The following PREX2 variants were observed in gnomAD, a reference collection of about 807,000 sequenced individuals.
PREX2 encodes the protein phosphatidylinositol-3,4,5-trisphosphate dependent Rac exchange factor 2.
In PREX2, 107 loss-of-function variants were observed where a neutral mutation model predicts 203.2. The ratio of observed to expected loss-of-function variants is 0.53; its 90% CI spans 0.45 to 0.62. The LOEUF is 0.62. Ranked by LOEUF, PREX2 falls within the 20% of genes least tolerant of loss-of-function variation. The pLI is 0.00. For synonymous variants in PREX2, 672 were observed against 663.6 expected (o/e 1.01, Z -0.19); for missense variants, 1,777 against 1,955.9 (o/e 0.91, Z 1.72).
In PREX2 at chr8:68,021,503, G is replaced by A. The variant is rs113385048; in HGVS notation, c.337-533G>A. Among the ~76,000 whole-genome samples the A allele has an allele frequency of 8.9e-3, 1,351 of 152,222 alleles. 11 individuals are homozygous for A. The highest frequency in any genetic ancestry group is 0.027 in the African/African-American group (1,120 of 41,544). ...GTCAGTGTCTCTCTTAAGCACAACT[G>A]TCTAGACTGGTGTATATGAACTGCA... On this transcript the variant is annotated intron_variant, in intron 3 of 39. Transcript: ENST00000288368.
At chr8:68,210,553 C>T (rs1812722873) in intron 37 of PREX2, among the ~76,000 whole-genome samples, 1 of 152,144 alleles carries the variant, frequency 6.6e-6, no homozygotes, top group Admixed American at 6.5e-5. Flanking sequence ...TTCTGGTTTC[C>T]CATGTCATTT....
chr8:68,089,863 G>T (rs1800035909), intron 19 of PREX2, among the ~76,000 whole-genome samples: 1 of 151,978 alleles, frequency 6.6e-6, no homozygotes, highest in Non-Finnish European at 1.5e-5. Context: ...ATGGTATTTT[G>T]TTAATATTGA....
intron 34 of PREX2, among the ~76,000 whole-genome samples, chr8:68,147,845 A>G (rs996832892): frequency 1.3e-5 from 2 of 151,988 alleles, no homozygotes; most frequent in Non-Finnish European, 2.9e-5. Flanking sequence ...ATTTATAGAC[A>G]GGGTCAGTGT....
intron 31 of PREX2, among the ~76,000 whole-genome samples, chr8:68,127,800 T>TA (rs1810924613): frequency 6.6e-6 from 1 of 152,230 alleles, no homozygotes; most frequent in East Asian, 1.9e-4. Flanking sequence ...AATCTTACAT[T>TA]AAAACACTTT....
intron 23 of PREX2, among the ~76,000 whole-genome samples, chr8:68,107,113 C>T (rs764305890): frequency 3.9e-5 from 6 of 152,164 alleles, no homozygotes; most frequent in South Asian, 4.2e-4. Context: ...AAGGTTACAG[C>T]GTGCTGGAAC....
intron 23 of PREX2, chr8:68,105,929 G>A: frequency 6.1e-6 from 1 of 163,402 alleles, no homozygotes; most frequent in South Asian, 1.7e-4. Context: ...ATGGCACATT[G>A]CCGTTACTTT....
chr8:68,201,389 T>G (rs1043360446), intron 37 of PREX2, among the ~76,000 whole-genome samples: 1 of 151,926 alleles, frequency 6.6e-6, no homozygotes, highest in African/African-American at 2.4e-5. Context: ...TATTAAGGAG[T>G]ATTGACTCAC....
At position 68,120,191 on chromosome 8, in the gene PREX2, G is replaced by A. The variant is rs61753701; in HGVS notation, c.3505-5G>A. The A allele has an allele frequency of 5.7e-6, 9 of 1,591,010 alleles. No individual in the cohort carries two copies. The East Asian group carries it at 1.3e-4, about 24-fold the overall frequency. On this transcript the variant is annotated splice_region_variant and splice_polypyrimidine_tract_variant and intron_variant, in intron 28 of 39. Coordinates refer to ENST00000288368, the MANE Select transcript of PREX2 (RefSeq NM_024870.4). ...ATGTAACTCGGAAATCTCTACTATT[G>A]ATAGGTGGATTCAATTACCAATCTC...
At chr8:68,159,659 G>A (rs1178091381) in intron 35 of PREX2, among the ~76,000 whole-genome samples, 1 of 152,034 alleles carries the variant, frequency 6.6e-6, no homozygotes, top group Non-Finnish European at 1.5e-5. Flanking sequence ...TCTTTCCAAG[G>A]GTTTTTTTAA....
chr8:67,974,927 G>A (rs1750293703), intron 1 of PREX2, among the ~76,000 whole-genome samples: 1 of 152,150 alleles, frequency 6.6e-6, no homozygotes, highest in Non-Finnish European at 1.5e-5. Context: ...TGCACATCCA[G>A]TCTCTGCTGC....
intron 34 of PREX2, among the ~76,000 whole-genome samples, chr8:68,149,348 G>A (rs1232079433): frequency 6.6e-6 from 1 of 152,228 alleles, no homozygotes; most frequent in Non-Finnish European, 1.5e-5. Context: ...GGCAAGAACT[G>A]CGGAAGAACA....
intron 10 of PREX2, among the ~76,000 whole-genome samples, chr8:68,059,157 A>T (rs1289511325): frequency 2.6e-5 from 4 of 152,248 alleles, no homozygotes; most frequent in African/African-American, 9.6e-5. Context: ...TAGCCAAAAA[A>T]AGAAAACTAG....
rs745674375 is a variant in PREX2, at chr8:68,115,798, A to C, written c.3192A>C (p.Thr1064=). ...ATTCTCCTAAATTAGAACGTAAGAC[A>C]TCAGAGGGCATAATACCAACAGACA... ...ITYSPKLERK[T]SEGIIPTDSD... is the part of the protein sequence containing the mutation. Residue 1064 remains threonine (T), a synonymous_variant, in exon 26 of 40, where the codon ACA becomes ACC. Coordinates refer to ENST00000288368, the MANE Select transcript of PREX2 (RefSeq NM_024870.4). 14 of 1,613,652 alleles carry C rather than the reference A, an allele frequency of 8.7e-6. No individual in the cohort carries two copies. The highest frequency in any genetic ancestry group is 1.2e-5 in the Non-Finnish European group (14 of 1,179,788).
At chr8:68,171,851 T>C (rs879593772) in intron 35 of PREX2, among the ~76,000 whole-genome samples, 2 of 152,218 alleles carry the variant, frequency 1.3e-5, no homozygotes, top group Non-Finnish European at 2.9e-5. Flanking sequence ...AGAATATTAA[T>C]TAGCATGTAA....
At chr8:68,084,354 A>G (rs1038140726) in intron 18 of PREX2, among the ~76,000 whole-genome samples, 4 of 152,200 alleles carry the variant, frequency 2.6e-5, no homozygotes, top group Admixed American at 1.3e-4. Context: ...TTTAAATTTT[A>G]ACTACCTATT....
intron 1 of PREX2, among the ~76,000 whole-genome samples, chr8:68,006,852 A>T (rs1807112872): frequency 6.6e-6 from 1 of 152,232 alleles, no homozygotes; most frequent in Non-Finnish European, 1.5e-5. Context: ...ATTTTGCAGT[A>T]GTTGAACAAA....
chr8:68,187,424 T>C (rs1176937923), intron 35 of PREX2, among the ~76,000 whole-genome samples: 1 of 152,236 alleles, frequency 6.6e-6, no homozygotes, highest in Non-Finnish European at 1.5e-5. Flanking sequence ...AATTGTCCAA[T>C]GATGCTTCCC....
intron 1 of PREX2, chr8:67,952,785 T>G: frequency 8.4e-6 from 5 of 591,752 alleles, no homozygotes; most frequent in Non-Finnish European, 1.2e-5. Context: ...AAGTTAGCTC[T>G]AGAGAAGAGA....
rs1270105396 is a variant in PREX2 at position 68,113,950 on chromosome 8, C to G, written c.3147-1803C>G. 2.0e-5 allele frequency among the ~76,000 whole-genome samples: 3 copies of G among 152,256 alleles called. No individual in the cohort carries two copies. The East Asian group carries it at 5.8e-4, about 29-fold the overall frequency. Reference sequence around the variant, plus strand: ...GATCTATGCTCACTGCAACCTCCATCTCCAGGGTTCAAGCGATTCTCCTGC... The same window carrying G: ...GATCTATGCTCACTGCAACCTCCATGTCCAGGGTTCAAGCGATTCTCCTGC... On this transcript the variant is annotated intron_variant, in intron 25 of 39. Coordinates refer to ENST00000288368, the MANE Select transcript of PREX2 (RefSeq NM_024870.4).
Sources: allele counts gnomAD v4.1 joint callset (sites outside exome capture counted in the v4.1 genomes callset), GRCh38; gene constraint gnomAD v4.1.1; transcripts MANE v1.5; gene names NCBI Gene and HGNC (gene_info 2026-07-23, HGNC 2026-07-21).